The following CPNE5 variants were observed in gnomAD, a reference collection of about 807,000 sequenced individuals.
The protein encoded by CPNE5 is copine 5.
A neutral mutation model predicts 81.1 loss-of-function variants in CPNE5; 42 were observed. That is an observed-to-expected ratio of 0.52 (90% CI 0.40 to 0.67). The LOEUF is 0.67. CPNE5 is among the 30% of genes least tolerant of loss of function. The pLI, the probability that CPNE5 is intolerant of heterozygous loss-of-function variation, is 0.00. For missense variants in CPNE5, 612 were observed against 815.5 expected (o/e 0.75, Z 3.04); for synonymous variants, 313 against 321.5 (o/e 0.97, Z 0.28).
intron 3 of CPNE5, among the ~76,000 whole-genome samples, chr6:36,803,525 A>T (rs1156244561): frequency 6.6e-6 from 1 of 152,200 alleles, no homozygotes; most frequent in Non-Finnish European, 1.5e-5. Flanking sequence ...GCGGGTTTAG[A>T]TCATAATAGC....
At chr6:36,833,387 C>T (rs1041316720) in intron 1 of CPNE5, among the ~76,000 whole-genome samples, 2 of 152,238 alleles carry the variant, frequency 1.3e-5, no homozygotes, top group African/African-American at 4.8e-5. Context: ...AATCCCCTCC[C>T]CTTGAGAGTG....
chr6:36,838,857 G>T, intron 1 of CPNE5: 2 of 482,566 alleles, frequency 4.1e-6, no homozygotes, highest in Non-Finnish European at 5.4e-6. Flanking sequence ...AAAGAGAGAA[G>T]AGAGGAGGGC....
chr6:36,806,332 GA>G (rs1262824959), intron 3 of CPNE5, among the ~76,000 whole-genome samples: 2 of 152,154 alleles, frequency 1.3e-5, no homozygotes, highest in Non-Finnish European at 2.9e-5. Context: ...TGGTAGATGG[GA>G]GACAGGAAGA....
intron 12 of CPNE5, chr6:36,757,472 T>C: frequency 1.5e-6 from 1 of 656,406 alleles, no homozygotes; most frequent in Non-Finnish European, 1.9e-6. Flanking sequence ...CACAGCCATC[T>C]GGGTAGTGAC....
intron 8 of CPNE5, among the ~76,000 whole-genome samples, chr6:36,781,136 G>A (rs1768003222): frequency 6.6e-6 from 1 of 152,194 alleles, no homozygotes; most frequent in Non-Finnish European, 1.5e-5. Flanking sequence ...GTAAGCACGG[G>A]TGGTGCTGGA....
At chr6:36,811,668 T>G (rs1055343695) in intron 3 of CPNE5, among the ~76,000 whole-genome samples, 1 of 152,132 alleles carries the variant, frequency 6.6e-6, no homozygotes, top group African/African-American at 2.4e-5. Context: ...ACTCCTTTCT[T>G]CAAATGAAAT....
rs1157250827 is a variant in CPNE5 at position 36,834,254 on chromosome 6, C to CAAAAAAAAAAA, written c.95+5018_95+5028dup. Among the ~76,000 whole-genome samples, 117 of 21,644 alleles carry CAAAAAAAAAAA rather than the reference C, an allele frequency of 5.4e-3. 8 individuals carry two copies. Among genetic ancestry groups the CAAAAAAAAAAA allele is most frequent in the African/African-American group, 7.3e-3 (16 of 2,196 alleles). The allele number at this position is 21,644 out of a possible 152,430, so 14.2% of individuals were successfully genotyped here. ...AGCTTGGGCAACAGAGACTGTATCT[C>CAAAAAAAAAAA]AAAAAAAAAAAAAAAAAAAAAAAAG... On this transcript the variant is annotated intron_variant, in intron 1 of 20. Coordinates refer to ENST00000244751, the MANE Select transcript of CPNE5 (RefSeq NM_020939.2).
intron 13 of CPNE5, 57 bp from the exon 14 acceptor site, chr6:36,753,152 T>G: frequency 7.0e-7 from 1 of 1,431,332 alleles, no homozygotes; most frequent in South Asian, 1.1e-5. Flanking sequence ...GGAGATGGGT[T>G]ATGATTCGAG....
chr6:36,746,319 AAACGT>A lies in CPNE5; in HGVS notation c.1200+72_1200+76del. The A allele has an allele frequency of 7.0e-7, 1 of 1,422,624 alleles. No homozygotes were observed. The allele number at this position is 1,422,624 out of a possible 1,614,324, so 88.1% of individuals were successfully genotyped here. A position where few individuals can be genotyped will look rare whatever the true frequency, so the allele number is the denominator to read the frequency against. Reference sequence around the variant, plus strand: ...TAAGTCCCCGGGCTCAGAGGAAGGGAAACGTCCCCCCACCCCCAGCTTGTCACCTC... The same window carrying A: ...TAAGTCCCCGGGCTCAGAGGAAGGGACCCCCCACCCCCAGCTTGTCACCTC... On this transcript the variant is annotated intron_variant, in intron 16 of 20. Transcript: ENST00000244751. This position sits in a 1 kb window ranked among gnomAD's most constrained non-coding sequence, Gnocchi z 4.5.
At chr6:36,743,177 A>G (rs1157005505) in intron 20 of CPNE5, 8 of 985,332 alleles carry the variant, frequency 8.1e-6, no homozygotes, top group Non-Finnish European at 9.6e-6. Flanking sequence ...TCTGCAGGGG[A>G]TGAGTGGGGG....
intron 8 of CPNE5, among the ~76,000 whole-genome samples, chr6:36,783,874 A>T (rs1341139739): frequency 6.6e-6 from 1 of 152,226 alleles, no homozygotes; most frequent in East Asian, 1.9e-4. Context: ...CCTTGCTTAA[A>T]GTCACACAGC....
chr6:36,746,974 A>AG lies in CPNE5; in HGVS notation c.1019-398dup, dbSNP rs5875556. ...CCCAAAGTCCTCACAAGAGCCCGCA[A>AG]GCACTCATGATCTGGCCTCCAGGTC... is the stretch of plus-strand genomic sequence containing the variant. On this transcript the variant is annotated intron_variant, in intron 15 of 20. Coordinates refer to ENST00000244751, the MANE Select transcript of CPNE5 (RefSeq NM_020939.2). The surrounding 1 kb of genome is among the most constrained non-coding windows in gnomAD (Gnocchi z 4.5). Among the ~76,000 whole-genome samples the AG allele has an allele frequency of 1, 152,045 of 152,048 alleles. 76,021 individuals carry two copies. Among genetic ancestry groups the AG allele is most frequent in the Middle Eastern group, 1 (294 of 294 alleles).
At chr6:36,779,266 G>A (rs900390053) in intron 8 of CPNE5, among the ~76,000 whole-genome samples, 2 of 152,212 alleles carry the variant, frequency 1.3e-5, no homozygotes, top group Non-Finnish European at 2.9e-5. Context: ...GTTGATGATA[G>A]CACACATCTC....
Position 36,794,612 on chromosome 6 carries a change from G to T in CPNE5, c.442C>A (p.Pro148Thr), listed in dbSNP as rs749739328. 6.2e-7 allele frequency: 1 copy of T among 1,614,146 alleles called. No individual in the cohort carries two copies. The highest frequency in any genetic ancestry group is 8.5e-7 in the Non-Finnish European group (1 of 1,180,004). Residue 148 changes from proline (P) to threonine (T), a missense_variant, in exon 7 of 21, where the codon CCC becomes ACC. Transcript: ENST00000244751. The stretch of plus-strand genomic sequence containing the variant: ...TACCCGTTGGACACAGCTGGCATGG[G>T]TTTGCCCGTCCTGGAATTCAGGCTG... ...AFSLNSRTGK[P>T]MPAVSNGGVP...
At chr6:36,783,468 G>A (rs736348) in intron 8 of CPNE5, among the ~76,000 whole-genome samples, 29,973 of 149,880 alleles carry the variant, frequency 0.2, 3,217 homozygotes, top group East Asian at 0.3. Context: ...GAATCCTTTC[G>A]ACAACCCTAT....
intron 13 of CPNE5, 104 bp from the exon 14 acceptor site, chr6:36,753,199 T>G: frequency 3.4e-6 from 3 of 888,332 alleles, no homozygotes; most frequent in Non-Finnish European, 5.6e-6. Context: ...TGTGCCAGTT[T>G]TGCATGCATG....
At chr6:36,786,523 C>T (rs1768567895) in intron 8 of CPNE5, among the ~76,000 whole-genome samples, 1 of 152,170 alleles carries the variant, frequency 6.6e-6, no homozygotes, top group Admixed American at 6.5e-5. Flanking sequence ...TTTTCCCTCC[C>T]ACTCACCGAG....
At chr6:36,777,828 G>A (rs1365243420) in intron 9 of CPNE5, among the ~76,000 whole-genome samples, 2 of 142,204 alleles carry the variant, frequency 1.4e-5, no homozygotes, top group Non-Finnish European at 3.0e-5. Context: ...GGATTGGGGG[G>A]ACGGTCTTTC....
At chr6:36,750,275 C>A (rs1764663187) in intron 14 of CPNE5, among the ~76,000 whole-genome samples, 1 of 152,218 alleles carries the variant, frequency 6.6e-6, no homozygotes, top group African/African-American at 2.4e-5. Context: ...ATCCCTGTCA[C>A]AGACACAGCA....
Sources: allele counts gnomAD v4.1 joint callset (sites outside exome capture counted in the v4.1 genomes callset), GRCh38; gene constraint gnomAD v4.1.1; non-coding constraint Gnocchi (gnomAD v3.1); transcripts MANE v1.5; gene names NCBI Gene and HGNC (gene_info 2026-07-23, HGNC 2026-07-21).